Variants in MDN1 observed in about 807,000 individuals in gnomAD.
MDN1 encodes the protein midasin.
In MDN1, 266 loss-of-function variants were observed where a neutral mutation model predicts 669.2. The observed-to-expected ratio is 0.40, with a 90% CI of 0.36 to 0.44. The LOEUF is 0.44. Ranked by LOEUF, MDN1 falls within the 20% of genes least tolerant of loss-of-function variation. MDN1 has a pLI of 1.00. For synonymous variants in MDN1, 2,385 were observed against 2,457.1 expected, an observed-to-expected ratio of 0.97 and a Z score of 0.87; for missense variants, 5,940 against 6,754.0, an observed-to-expected ratio of 0.88 and a Z score of 4.22.
intron 77 of MDN1, 123 bp downstream of exon 77, chr6:89,675,979 G>T: frequency 1.3e-6 from 1 of 794,928 alleles, no homozygotes; most frequent in Non-Finnish European, 2.0e-6. Flanking sequence ...AGGATGTACT[G>T]CAAAAAGCTC....
At chr6:89,795,931 G>A (rs1393916342) in intron 2 of MDN1, among the ~76,000 whole-genome samples, 1 of 152,112 alleles carries the variant, frequency 6.6e-6, no homozygotes, top group Non-Finnish European at 1.5e-5. Flanking sequence ...CTCAGGCCTG[G>A]GCGACACAGT....
chr6:89,747,586 T>C (rs1438034307), intron 26 of MDN1, 116 bp from the exon 27 acceptor site: 3 of 1,199,582 alleles, frequency 2.5e-6, no homozygotes, highest in African/African-American at 3.1e-5. Flanking sequence ...ATGATTTCAT[T>C]CCACTGAATA....
chr6:89,658,790 T>C lies in MDN1; in HGVS notation c.14841A>G (p.Glu4947=). ...CCTCTTCCCCTTCTGCCTTGTCATC[T>C]TCACTGGGGCCTTCCTCAGGCTCCT... ...SPQEPEEGPS[E]DDKAEGEEEM... is the part of the protein sequence containing the mutation. Residue 4947 remains glutamate (E), a synonymous_variant, in exon 89 of 102, where the codon GAA becomes GAG. Transcript: ENST00000369393. The C allele has an allele frequency of 6.2e-7, 1 of 1,614,228 alleles. No homozygotes were observed. The highest frequency in any genetic ancestry group is 8.5e-7 in the Non-Finnish European group (1 of 1,180,044).
chr6:89,805,383 A>T (rs1016493929), intron 1 of MDN1, among the ~76,000 whole-genome samples: 1 of 152,118 alleles, frequency 6.6e-6, no homozygotes, highest in Non-Finnish European at 1.5e-5. Flanking sequence ...CGCTACAAAA[A>T]ATAGAAAAAT....
chr6:89,665,181 C>A (rs1040429309), intron 84 of MDN1, among the ~76,000 whole-genome samples: 1 of 152,090 alleles, frequency 6.6e-6, no homozygotes, highest in Non-Finnish European at 1.5e-5. Context: ...GCACATACAA[C>A]CACACCTGGC....
At chr6:89,807,694 A>G (rs1013889736) in intron 1 of MDN1, among the ~76,000 whole-genome samples, 1 of 152,196 alleles carries the variant, frequency 6.6e-6, no homozygotes, top group Admixed American at 6.6e-5. Context: ...TGTAATTCCA[A>G]TTACACATAC....
chr6:89,776,596 A>T lies in MDN1; in HGVS notation c.1821+4T>A, dbSNP rs1036988522. On this transcript the variant is annotated splice_donor_region_variant and intron_variant, in intron 12 of 101. Coordinates refer to ENST00000369393, the MANE Select transcript of MDN1 (RefSeq NM_014611.3). The stretch of plus-strand genomic sequence containing the variant: ...ACAGGGAAGTAAAAAAACAGCACAC[A>T]TACCTTTTTTCTAGAAATGTTCAAT... 3 of 1,601,712 alleles carry T rather than the reference A, an allele frequency of 1.9e-6. No homozygotes were observed. Among genetic ancestry groups the T allele is most frequent in the Non-Finnish European group, 2.6e-6 (3 of 1,170,844 alleles).
chr6:89,656,797 TG>T lies in MDN1; in HGVS notation c.15187del (p.His5063ThrfsTer59). 1 of 1,612,560 alleles carries T rather than the reference TG, an allele frequency of 6.2e-7. No individual in the cohort carries two copies. The highest frequency in any genetic ancestry group is 8.5e-7 in the Non-Finnish European group (1 of 1,179,306). ...GTTTGCATCTGCAGCTCCACTTCCG[TG>T]TTCCTAGGAAATCCAAGCCACAAAA... ...APEKEQGKEE[H>X]GSGAADANQA... is the part of the protein sequence containing the mutation. On this transcript the variant is annotated frameshift_variant, in exon 91 of 102. Coordinates refer to ENST00000369393, the MANE Select transcript of MDN1 (RefSeq NM_014611.3). LOFTEE classifies it high-confidence loss of function.
chr6:89,780,641 C>CT (rs575664748), intron 10 of MDN1, among the ~76,000 whole-genome samples: 4,219 of 131,136 alleles, frequency 0.032, 136 homozygotes, highest in African/African-American at 0.067. Flanking sequence ...ATGCCATTTC[C>CT]TTTTTTTTTT....
chr6:89,749,841 C>T, intron 24 of MDN1, 90 bp from the exon 25 acceptor site: 1 of 1,052,724 alleles, frequency 9.5e-7, no homozygotes, highest in Non-Finnish European at 1.4e-6. Flanking sequence ...CCTAGGTTAT[C>T]ATCAAATTTC....
chr6:89,673,431 T>C lies in MDN1; in HGVS notation c.13279A>G (p.Ser4427Gly). ...KDFEVCSSALSCLSQVSVHLQ... is the reference protein window; with the variant it reads ...KDFEVCSSALGCLSQVSVHLQ... ...TGAACTGACACCTGGGACAAGCAAC[T>C]CAGCGCAGAAGAGCAAACTTCAAAA... The change falls in exon 80 of 102, where the codon AGT (serine) becomes GGT (glycine). Residue 4427 changes from serine to glycine, a missense_variant. Physicochemically the swap from Ser to Gly is moderately conservative, Grantham distance 56. Transcript: ENST00000369393. The C allele has an allele frequency of 2.5e-6, 4 of 1,614,098 alleles. No individual in the cohort carries two copies. Among genetic ancestry groups the C allele is most frequent in the Non-Finnish European group, 3.4e-6 (4 of 1,180,018 alleles).
chr6:89,665,045 G>C (rs112668366), intron 84 of MDN1, among the ~76,000 whole-genome samples: 1 of 151,824 alleles, frequency 6.6e-6, no homozygotes, highest in Non-Finnish European at 1.5e-5. Flanking sequence ...TTTTTATGTT[G>C]TTAGACAGTG....
Position 89,700,054 on chromosome 6 carries a change from A to C in MDN1, c.8870+9T>G. 6.2e-7 allele frequency: 1 copy of C among 1,611,640 alleles called. No individual in the cohort carries two copies. Among genetic ancestry groups the C allele is most frequent in the Non-Finnish European group, 8.5e-7 (1 of 1,177,756 alleles). On this transcript the variant is annotated intron_variant, in intron 57 of 101. Coordinates refer to ENST00000369393, the MANE Select transcript of MDN1 (RefSeq NM_014611.3). Reference sequence around the variant, plus strand: ...TCCCGCAAGGAAAACAACTGAAAGCATGGTTTACCTTCTGAGACAAGCTTG... The same window carrying C: ...TCCCGCAAGGAAAACAACTGAAAGCCTGGTTTACCTTCTGAGACAAGCTTG...
chr6:89,819,649 C>T lies in MDN1; in HGVS notation c.-42G>A. 1.9e-6 allele frequency: 3 copies of T among 1,558,386 alleles called. No homozygotes were observed. Among genetic ancestry groups the T allele is most frequent in the Non-Finnish European group, 2.6e-6 (3 of 1,143,324 alleles). On this transcript the variant is annotated 5_prime_UTR_variant, in exon 1 of 102. Transcript: ENST00000369393. ...CCCGAGCGGCCACCTGCGCTCCCTA[C>T]TTCGCGGCCAGCGTCCCCAAGCCGC...
intron 93 of MDN1, 98 bp downstream of exon 93, chr6:89,654,066 G>T: frequency 7.4e-7 from 1 of 1,343,936 alleles, no homozygotes; most frequent in Non-Finnish European, 1.0e-6. Context: ...CCATGGATTA[G>T]GACATGGAAC....
chr6:89,799,449 G>A (rs938916210), intron 2 of MDN1, among the ~76,000 whole-genome samples: 3 of 152,258 alleles, frequency 2.0e-5, no homozygotes, highest in Admixed American at 1.3e-4. Flanking sequence ...CTGGGAGGCC[G>A]AGGCGGGTGG....
intron 7 of MDN1, among the ~76,000 whole-genome samples, chr6:89,788,292 T>C (rs550496775): frequency 3.2e-4 from 49 of 152,298 alleles, no homozygotes; most frequent in African/African-American, 1.0e-3. Flanking sequence ...CCCAGGAGTA[T>C]ACAAAGTCAT....
intron 13 of MDN1, 29 bp from the exon 14 acceptor site, chr6:89,772,750 A>G: frequency 6.2e-7 from 1 of 1,606,796 alleles, no homozygotes; most frequent in Non-Finnish European, 8.5e-7. Context: ...GAGTTTAAAA[A>G]CCACGCTGCA....
chr6:89,696,056 C>T, intron 60 of MDN1, 64 bp from the exon 61 acceptor site: 1 of 1,510,346 alleles, frequency 6.6e-7, no homozygotes, highest in Non-Finnish European at 8.9e-7. Flanking sequence ...CCTTTTCATA[C>T]AGTATAATTC....
Sources: allele counts gnomAD v4.1 joint callset (sites outside exome capture counted in the v4.1 genomes callset), GRCh38; gene constraint gnomAD v4.1.1; transcripts MANE v1.5; gene names NCBI Gene and HGNC (gene_info 2026-07-23, HGNC 2026-07-21).